Variants in GABRB3 observed in about 807,000 individuals in gnomAD.
GABRB3 encodes gamma-aminobutyric acid type A receptor subunit beta3.
A neutral mutation model predicts 52.1 loss-of-function variants in GABRB3; 14 were observed. The observed-to-expected ratio is 0.27, with a 90% CI of 0.18 to 0.42. The LOEUF (loss-of-function observed/expected upper bound fraction) is 0.42, where lower values mean the gene tolerates loss of function less well. GABRB3 is among the 10% of genes least tolerant of loss of function. The pLI is 1.00. For synonymous variants in GABRB3, 260 were observed against 232.3 expected (o/e 1.12, Z -1.08); for missense variants, 307 against 609.1 (o/e 0.50, Z 5.22).
chr15:26,570,977 C>A (rs1402108244), intron 6 of GABRB3, among the ~76,000 whole-genome samples: 2 of 152,076 alleles, frequency 1.3e-5, no homozygotes, highest in Non-Finnish European at 2.9e-5. Context: ...CTTCTGAAGG[C>A]TGAATGAATG....
At chr15:26,694,752 C>G (rs1452344111) in intron 3 of GABRB3, among the ~76,000 whole-genome samples, 1 of 152,014 alleles carries the variant, frequency 6.6e-6, no homozygotes, top group African/African-American at 2.4e-5. Flanking sequence ...TTGTAATTAT[C>G]AGACAAAAAA....
intron 3 of GABRB3, among the ~76,000 whole-genome samples, chr15:26,653,937 A>G (rs891777284): frequency 3.9e-5 from 6 of 152,182 alleles, no homozygotes; most frequent in African/African-American, 2.4e-5. Flanking sequence ...TTGAAAAAGT[A>G]CTCAACCAGA....
At chr15:26,619,591 C>T (rs146234700) in intron 4 of GABRB3, among the ~76,000 whole-genome samples, 24,980 of 150,314 alleles carry the variant, frequency 0.17, 2,092 homozygotes, top group African/African-American at 0.22. Flanking sequence ...GTGGGTGCAG[C>T]GCACTAGCAT....
rs200477307 is a variant in GABRB3, at chr15:26,570,904, A to AT, written c.683-3172dup. On this transcript the variant is annotated intron_variant, in intron 6 of 8. Coordinates refer to ENST00000311550, the MANE Select transcript of GABRB3 (RefSeq NM_000814.6). ...TCCCCAGGGCAGAATTTGTGAGGTAATTTTTTTTATATACTACAATGCCTA... is the reference window on the plus strand; with the variant it reads ...TCCCCAGGGCAGAATTTGTGAGGTAATTTTTTTTTATATACTACAATGCCTA... Among the ~76,000 whole-genome samples the AT allele has an allele frequency of 2.1e-3, 326 of 152,066 alleles. 1 individual carries two copies. Among genetic ancestry groups the AT allele is most frequent in the African/African-American group, 7.5e-3 (313 of 41,484 alleles).
At position 26,745,883 on chromosome 15, in the gene GABRB3, T is replaced by A. The variant is rs142561515; in HGVS notation, c.240+26519A>T. On this transcript the variant is annotated intron_variant, in intron 3 of 8. Transcript: ENST00000311550. ...TTTTAGTTTGTTTCCAGTTTCAGGCTATTAAAAATAAAGATGCTGTGAACA... is the reference window on the plus strand; with the variant it reads ...TTTTAGTTTGTTTCCAGTTTCAGGCAATTAAAAATAAAGATGCTGTGAACA... Among the ~76,000 whole-genome samples, 11 of 152,348 alleles carry A rather than the reference T, an allele frequency of 7.2e-5. No homozygotes were observed. In the East Asian group the frequency reaches 1.9e-3, roughly 27 times the overall value.
At chr15:26,693,611 A>C (rs368041703) in intron 3 of GABRB3, among the ~76,000 whole-genome samples, 7 of 152,338 alleles carry the variant, frequency 4.6e-5, no homozygotes, top group Admixed American at 4.6e-4. Context: ...ACAAGAAAAA[A>C]AAGCTGAACA....
At chr15:26,630,622 A>T (rs1692642355) in intron 3 of GABRB3, among the ~76,000 whole-genome samples, 1 of 152,174 alleles carries the variant, frequency 6.6e-6, no homozygotes, top group Non-Finnish European at 1.5e-5. Flanking sequence ...ACCTTTCTTT[A>T]AAAAAAGGGT....
chr15:26,549,274 A>G (rs1889370895), intron 8 of GABRB3, among the ~76,000 whole-genome samples: 1 of 152,188 alleles, frequency 6.6e-6, no homozygotes, highest in Non-Finnish European at 1.5e-5. Context: ...AGGTGGTGAG[A>G]GGAGTCCTGC....
intron 6 of GABRB3, among the ~76,000 whole-genome samples, chr15:26,578,471 T>A (rs986627477): frequency 1.3e-5 from 2 of 152,192 alleles, no homozygotes; most frequent in African/African-American, 2.4e-5. Flanking sequence ...CCAGACATTT[T>A]TAGGATGTGT....
At chr15:26,617,234 G>A (rs1332249211) in intron 4 of GABRB3, among the ~76,000 whole-genome samples, 3 of 152,128 alleles carry the variant, frequency 2.0e-5, no homozygotes, top group African/African-American at 4.8e-5. Context: ...CATTTTATGA[G>A]ACCAGCATCA....
chr15:26,630,224 C>T (rs2140557715), intron 3 of GABRB3, among the ~76,000 whole-genome samples: 1 of 152,300 alleles, frequency 6.6e-6, no homozygotes. Flanking sequence ...GGCCCCTGCT[C>T]TACCCAGTCC....
chr15:26,569,151 G>A (rs1051594404), intron 6 of GABRB3, among the ~76,000 whole-genome samples: 8 of 152,050 alleles, frequency 5.3e-5, no homozygotes, highest in African/African-American at 1.9e-4. Flanking sequence ...GTCCCTTTCT[G>A]TGTCTGTCCC....
chr15:26,689,042 A>G (rs1888495569), intron 3 of GABRB3, among the ~76,000 whole-genome samples: 1 of 152,354 alleles, frequency 6.6e-6, no homozygotes, highest in Middle Eastern at 3.4e-3. Context: ...ACATTCCTGC[A>G]GAATAGAGAT....
At chr15:26,736,592 G>A (rs1890071251) in intron 3 of GABRB3, among the ~76,000 whole-genome samples, 1 of 152,228 alleles carries the variant, frequency 6.6e-6, no homozygotes, top group African/African-American at 2.4e-5. Flanking sequence ...CAGTGAGCCG[G>A]GGCAGCAGGG....
upstream of GABRB3, chr15:26,773,101 G>A (rs1023026753): frequency 1.1e-5 from 10 of 878,444 alleles, no homozygotes; most frequent in African/African-American, 1.6e-4. Flanking sequence ...GGGGAGGGGA[G>A]GAGGGGGAGG....
At chr15:26,622,739 T>A (rs1488781453) in intron 3 of GABRB3, among the ~76,000 whole-genome samples, 1 of 152,204 alleles carries the variant, frequency 6.6e-6, no homozygotes, top group Non-Finnish European at 1.5e-5. Context: ...ATTGCTGCTC[T>A]CAATAGTGTT....
At chr15:26,641,568 C>T (rs2087963706) in intron 3 of GABRB3, among the ~76,000 whole-genome samples, 1 of 152,216 alleles carries the variant, frequency 6.6e-6, no homozygotes, top group African/African-American at 2.4e-5. Context: ...TATTTTTGCC[C>T]CTCAACTGTC....
chr15:26,646,774 T>C (rs1484911233), intron 3 of GABRB3, among the ~76,000 whole-genome samples: 1 of 152,236 alleles, frequency 6.6e-6, no homozygotes, highest in Non-Finnish European at 1.5e-5. Context: ...ATTGTGGTTC[T>C]AATTTGCATT....
chr15:26,651,897 C>T (rs1320895112), intron 3 of GABRB3, among the ~76,000 whole-genome samples: 1 of 152,176 alleles, frequency 6.6e-6, no homozygotes, highest in East Asian at 1.9e-4. Flanking sequence ...CCCCACAAAG[C>T]CACCTTTTGT....
Sources: gnomAD v4.1 joint callset for allele counts (sites outside exome capture counted in the v4.1 genomes callset) on GRCh38, gnomAD v4.1.1 for gene constraint, MANE v1.5 for transcripts, NCBI Gene and HGNC (gene_info 2026-07-23, HGNC 2026-07-21) for gene names.